Variants in SAMD12 observed in about 807,000 individuals in gnomAD.
The protein encoded by SAMD12 is sterile alpha motif domain containing 12.
Under a neutral mutation model 15.0 loss-of-function variants are expected in SAMD12, and 9 were observed. The observed-to-expected ratio is 0.60, with a 90% CI of 0.36 to 1.05. The LOEUF (loss-of-function observed/expected upper bound fraction) is 1.05. Among genes scored for constraint, SAMD12 ranks in the 50% least tolerant of loss-of-function variants. The pLI, the probability that SAMD12 is intolerant of heterozygous loss-of-function variation, is 0.01. For synonymous variants in SAMD12, 86 were observed against 90.1 expected, an observed-to-expected ratio of 0.96 and a Z score of 0.25; for missense variants, 230 against 234.2, an observed-to-expected ratio of 0.98 and a Z score of 0.12.
chr8:118,339,992 G>C (rs139830523), intron 4 of SAMD12, among the ~76,000 whole-genome samples: 1 of 152,220 alleles, frequency 6.6e-6, no homozygotes, highest in Non-Finnish European at 1.5e-5. Context: ...CAAGGGCAGG[G>C]ATCGTGTCTC....
chr8:118,167,320 A>C, the SAMD12 span, among the ~76,000 whole-genome samples: 17,975 of 151,698 alleles, frequency 0.12, 2,114 homozygotes, highest in African/African-American at 0.3. Context: ...CCTGGTGTGC[A>C]CTCCAGGAGG....
chr8:118,303,443 T>C (rs1815152709), intron 4 of SAMD12, among the ~76,000 whole-genome samples: 1 of 152,190 alleles, frequency 6.6e-6, no homozygotes, highest in South Asian at 2.1e-4. Context: ...ATGGTTTCAT[T>C]TACCGGAAGA....
intron 3 of SAMD12, among the ~76,000 whole-genome samples, chr8:118,426,648 C>T (rs1348971432): frequency 6.6e-6 from 1 of 152,178 alleles, no homozygotes; most frequent in East Asian, 1.9e-4. Flanking sequence ...CTGTCAAATA[C>T]TATCACTAAA....
At chr8:118,578,123 T>C (rs1352090772) in intron 2 of SAMD12, among the ~76,000 whole-genome samples, 1 of 152,134 alleles carries the variant, frequency 6.6e-6, no homozygotes, top group Non-Finnish European at 1.5e-5. Flanking sequence ...ACATACAATA[T>C]CTACTATGTC....
intron 3 of SAMD12, among the ~76,000 whole-genome samples, chr8:118,411,530 A>C (rs1390336557): frequency 1.3e-5 from 2 of 152,196 alleles, no homozygotes; most frequent in African/African-American, 4.8e-5. Context: ...GTGACTTATA[A>C]ATTATGTTTT....
At chr8:118,139,919 C>A in the SAMD12 span, among the ~76,000 whole-genome samples, 4 of 152,314 alleles carry the variant, frequency 2.6e-5, no homozygotes, top group East Asian at 7.7e-4. Context: ...GGAGTCATGG[C>A]TGCTTACAAA....
the SAMD12 span, among the ~76,000 whole-genome samples, chr8:118,154,811 T>G: frequency 6.6e-6 from 1 of 152,176 alleles, no homozygotes; most frequent in Non-Finnish European, 1.5e-5. Flanking sequence ...ACTTAAAACC[T>G]GAACCTTGAG....
the SAMD12 span, among the ~76,000 whole-genome samples, chr8:118,139,247 C>T: frequency 3.3e-5 from 5 of 151,370 alleles, no homozygotes; most frequent in African/African-American, 1.2e-4. Flanking sequence ...CTTCCCTTTA[C>T]ACTGGAGAGA....
At chr8:118,285,099 C>A (rs1813899455) in intron 4 of SAMD12, 1 of 151,966 alleles carries the variant, frequency 6.6e-6, no homozygotes, top group Non-Finnish European at 1.5e-5. Context: ...AGTCCCCATT[C>A]AACTTTTTTT....
At chr8:118,164,212 G>A in the SAMD12 span, among the ~76,000 whole-genome samples, 4 of 152,126 alleles carry the variant, frequency 2.6e-5, no homozygotes, top group Non-Finnish European at 4.4e-5. Flanking sequence ...TACCCCCTTG[G>A]CTTCCACATA....
the SAMD12 span, among the ~76,000 whole-genome samples, chr8:118,181,627 A>G: frequency 1.3e-5 from 2 of 152,206 alleles, no homozygotes; most frequent in Non-Finnish European, 2.9e-5. Context: ...TTTGCTATTC[A>G]TGGAAGAAAG....
At chr8:118,324,915 G>T (rs748201954) in intron 4 of SAMD12, among the ~76,000 whole-genome samples, 1 of 152,112 alleles carries the variant, frequency 6.6e-6, no homozygotes, top group Non-Finnish European at 1.5e-5. Context: ...ACAGTACCTG[G>T]CACATGGCTA....
intron 4 of SAMD12, among the ~76,000 whole-genome samples, chr8:118,321,075 T>A (rs975697916): frequency 7.0e-6 from 1 of 143,876 alleles, no homozygotes; most frequent in African/African-American, 2.6e-5. Flanking sequence ...CAGCAAGAAG[T>A]TGATGAATAC....
chr8:118,292,279 C>A, intron 4 of SAMD12, among the ~76,000 whole-genome samples: 1 of 147,024 alleles, frequency 6.8e-6, no homozygotes, highest in African/African-American at 2.5e-5. Context: ...CACCTGTACC[C>A]CAATAACCTA....
At chr8:118,420,599 A>G (rs1586699470) in intron 3 of SAMD12, among the ~76,000 whole-genome samples, 1 of 152,362 alleles carries the variant, frequency 6.6e-6, no homozygotes, top group East Asian at 1.9e-4. Context: ...AGAAATAAAT[A>G]TTCGTATAGA....
chr8:118,545,359 G>T (rs62531916), intron 2 of SAMD12, among the ~76,000 whole-genome samples: 46,635 of 151,890 alleles, frequency 0.31, 8,586 homozygotes, highest in African/African-American at 0.51. Flanking sequence ...CCCAGCTACT[G>T]GGGAGGCTGA....
chr8:118,602,207 C>T (rs566093755), intron 1 of SAMD12, among the ~76,000 whole-genome samples: 7 of 152,318 alleles, frequency 4.6e-5, no homozygotes, highest in East Asian at 3.9e-4. Context: ...GAAGGTATTT[C>T]GGTTTGCACA....
intron 4 of SAMD12, among the ~76,000 whole-genome samples, chr8:118,259,169 A>C (rs371251204): frequency 1.3e-5 from 2 of 152,244 alleles, no homozygotes; most frequent in East Asian, 3.9e-4. Context: ...AATCATTCTA[A>C]CAGGTCTTGA....
intron 4 of SAMD12, among the ~76,000 whole-genome samples, chr8:118,298,446 G>A (rs947553564): frequency 6.6e-6 from 1 of 152,112 alleles, no homozygotes; most frequent in Non-Finnish European, 1.5e-5. Context: ...AGATGTGAAA[G>A]AGACTGGCTA....
Sources: gnomAD v4.1 joint callset for allele counts (sites outside exome capture counted in the v4.1 genomes callset) on GRCh38, gnomAD v4.1.1 for gene constraint, MANE v1.5 for transcripts, NCBI Gene and HGNC (gene_info 2026-07-23, HGNC 2026-07-21) for gene names.